The following FZD9 variants were observed in gnomAD, a reference collection of about 807,000 sequenced individuals.
FZD9 encodes the protein frizzled class receptor 9, also known as frizzled-9.
FZD9 carries 29 observed loss-of-function variants against 29.9 expected under a neutral mutation model. That is an observed-to-expected ratio of 0.97 (90% CI 0.72 to 1.32). The LOEUF is 1.32. FZD9 is among the 40% of genes most tolerant of loss of function. The pLI, the probability that FZD9 is intolerant of heterozygous loss-of-function variation, is 0.00. For synonymous variants in FZD9, 384 were observed against 393.9 expected (o/e 0.97, Z 0.30); for missense variants, 822 against 857.8 (o/e 0.96, Z 0.52).
In FZD9 at chr7:73,434,704, G is replaced by T; in HGVS notation, c.697G>T (p.Val233Phe). The change falls in exon 1 of 1, where the codon GTC becomes TTC. Residue 233 changes from valine to phenylalanine, a missense_variant. By Grantham distance (50) the Val-to-Phe change is conservative. Coordinates refer to ENST00000344575, the MANE Select transcript of FZD9 (RefSeq NM_003508.3). ...WSRRDKDFAL[V>F]WMAVWSALCF... ...CCGGCGCGACAAGGACTTCGCGCTGGTCTGGATGGCCGTGTGGTCGGCGCT... is the reference window on the plus strand; with the variant it reads ...CCGGCGCGACAAGGACTTCGCGCTGTTCTGGATGGCCGTGTGGTCGGCGCT... 6.2e-7 allele frequency: 1 copy of T among 1,606,774 alleles called. No homozygotes were observed. The highest frequency in any genetic ancestry group is 8.5e-7 in the Non-Finnish European group (1 of 1,179,680).
At position 73,435,146 on chromosome 7, in the gene FZD9, C is replaced by T. The variant is rs1554563531; in HGVS notation, c.1139C>T (p.Ala380Val). 1 of 1,612,238 alleles carries T rather than the reference C, an allele frequency of 6.2e-7. No homozygotes were observed. The highest frequency in any genetic ancestry group is 1.1e-5 in the South Asian group (1 of 91,072). The change falls in exon 1 of 1, where the codon GCG becomes GTG. Residue 380 changes from alanine to valine, a missense_variant. Physicochemically the swap from Ala to Val is moderately conservative, Grantham distance 64 (BLOSUM62 0). Coordinates refer to ENST00000344575, the MANE Select transcript of FZD9 (RefSeq NM_003508.3). ...GTCATCCTGACCCTGCGCAAGGTGG[C>T]GGGTGATGAGCTGACTGGGCTTTGC... ...TIVILTLRKV[A>V]GDELTGLCYV...
chr7:73,434,096 CG>C lies in FZD9; in HGVS notation c.91del (p.Glu31SerfsTer24). On this transcript the variant is annotated frameshift_variant, in exon 1 of 1. Coordinates refer to ENST00000344575, the MANE Select transcript of FZD9 (RefSeq NM_003508.3). LOFTEE classifies it low-confidence loss of function (END_TRUNC). ...GCACTGGAGATCGGCCGCTTCGACC[CG>C]GAGCGCGGGCGCGGGGCTGCGCCGT... is the stretch of plus-strand genomic sequence containing the variant. Reference protein sequence around the residue: ...GAALEIGRFDPERGRGAAPCQ... With the variant: ...GAALEIGRFDXERGRGAAPCQ... 1 of 1,398,586 alleles carries C rather than the reference CG, an allele frequency of 7.2e-7. No individual in the cohort carries two copies. Among genetic ancestry groups the C allele is most frequent in the East Asian group, 2.9e-5 (1 of 34,558 alleles). The allele number at this position is 1,398,586 out of a possible 1,614,324, so 86.6% of individuals were successfully genotyped here. A position where few individuals can be genotyped will look rare whatever the true frequency, so the allele number is the denominator to read the frequency against.
rs1265714611 is a variant in FZD9, at chr7:73,434,415, G to A, written c.408G>A (p.Ser136=). The A allele has an allele frequency of 3.8e-6, 6 of 1,565,580 alleles. No homozygotes were observed. The highest frequency in any genetic ancestry group is 5.2e-6 in the Non-Finnish European group (6 of 1,164,320). The change falls in exon 1 of 1, where the codon TCG becomes TCA. Residue 136 remains serine, a synonymous_variant. Transcript: ENST00000344575. ...AGTTCAACTTCGGCTGGCCGGACTC[G>A]CTCGACTGCGCCCGGCTGCCCACGC... ...MEQFNFGWPD[S]LDCARLPTRN...
chr7:73,435,818 C>A lies in FZD9; in HGVS notation c.*35C>A. ...CCTGGCGCGGGGTGGCTGCTGCCCC[C>A]TCCTTGCCCTCCACGCCCTGCCCCC... is the stretch of plus-strand genomic sequence containing the variant. On this transcript the variant is annotated 3_prime_UTR_variant, in exon 1 of 1. Coordinates refer to ENST00000344575, the MANE Select transcript of FZD9 (RefSeq NM_003508.3). The A allele has an allele frequency of 2.0e-6, 3 of 1,537,332 alleles. No individual in the cohort carries two copies. Among genetic ancestry groups the A allele is most frequent in the Non-Finnish European group, 2.6e-6 (3 of 1,140,548 alleles).
In FZD9 at chr7:73,435,457, C is replaced by G; in HGVS notation, c.1450C>G (p.Pro484Ala). The G allele has an allele frequency of 6.2e-7, 1 of 1,613,346 alleles. No homozygotes were observed. Among genetic ancestry groups the G allele is most frequent in the Non-Finnish European group, 8.5e-7 (1 of 1,179,892 alleles). ...CTGGCGCCTTCGGGCCACAGAGCAG[C>G]CATGCGCAGCGGCCGCGGGGCCCGG... ...DFWRLRATEQPCAAAAGPGGR... is the reference protein window; with the variant it reads ...DFWRLRATEQACAAAAGPGGR... The change falls in exon 1 of 1, where the codon CCA becomes GCA. Residue 484 changes from proline (P) to alanine (A), a missense_variant. Transcript: ENST00000344575.
Position 73,433,879 on chromosome 7 carries a change from C to T in FZD9, c.-129C>T. 1 of 722,654 alleles carries T rather than the reference C, an allele frequency of 1.4e-6. No homozygotes were observed. The highest frequency in any genetic ancestry group is 1.7e-6 in the Non-Finnish European group (1 of 579,772). The allele number at this position is 722,654 out of a possible 1,614,324, so 44.8% of individuals were successfully genotyped here. A position where few individuals can be genotyped will look rare whatever the true frequency, so the allele number is the denominator to read the frequency against. ...GGCTGCCCGCTCGCTGCCCAGGGCG[C>T]CCGGACACACGTGGGCGGCTCAGCG... On this transcript the variant is annotated 5_prime_UTR_variant, in exon 1 of 1. Transcript: ENST00000344575.
Position 73,435,657 on chromosome 7 carries a change from C to T in FZD9, c.1650C>T (p.Ala550=), listed in dbSNP as rs782237302. The T allele has an allele frequency of 6.2e-7, 1 of 1,613,140 alleles. No homozygotes were observed. The highest frequency in any genetic ancestry group is 2.2e-5 in the East Asian group (1 of 44,874). The stretch of plus-strand genomic sequence containing the variant: ...ACCGCAAGATAGCAGCTGGCCGGGC[C>T]CGGGCCAAGGCCTGCCGCGCCCCCG... ...LCYRKIAAGR[A]RAKACRAPGS... is the part of the protein sequence containing the mutation. Residue 550 remains alanine, a synonymous_variant, in exon 1 of 1, where the codon GCC becomes GCT. Transcript: ENST00000344575.
rs782388267 is a variant in FZD9, at chr7:73,435,084, C to T, written c.1077C>T (p.His359=). 20 of 1,612,546 alleles carry T rather than the reference C, an allele frequency of 1.2e-5. 2 individuals are homozygous for T. Among genetic ancestry groups the T allele is most frequent in the South Asian group, 8.8e-5 (8 of 91,016 alleles). Residue 359 remains histidine (H), a synonymous_variant, in exon 1 of 1, where the codon CAC becomes CAT. Coordinates refer to ENST00000344575, the MANE Select transcript of FZD9 (RefSeq NM_003508.3). The part of the protein sequence containing the change: ...EAIEAHGSYF[H]MAAWGLPALK... The stretch of plus-strand genomic sequence containing the variant: ...TCGAGGCCCACGGCAGCTATTTCCA[C>T]ATGGCTGCCTGGGGCCTGCCCGCGC...
Position 73,435,283 on chromosome 7 carries a change from C to T in FZD9, c.1276C>T (p.His426Tyr), listed in dbSNP as rs1554563562. ...FLLTGFVALF[H>Y]IRKIMKTGGT... ...CCTGACCGGCTTCGTGGCCCTCTTCCACATCCGCAAGATCATGAAGACGGG... is the reference window on the plus strand; with the variant it reads ...CCTGACCGGCTTCGTGGCCCTCTTCTACATCCGCAAGATCATGAAGACGGG... The change falls in exon 1 of 1, where the codon CAC becomes TAC. Residue 426 changes from histidine to tyrosine, a missense_variant. His to Tyr is a moderately conservative substitution (Grantham distance 83). Transcript: ENST00000344575. 1.9e-6 allele frequency: 3 copies of T among 1,613,904 alleles called. No individual in the cohort carries two copies. Among genetic ancestry groups the T allele is most frequent in the Admixed American group, 3.3e-5 (2 of 60,022 alleles).
rs1787398281 is a variant in FZD9, at chr7:73,435,441, T to G, written c.1434T>G (p.Leu478=). The G allele has an allele frequency of 1.9e-6, 3 of 1,613,504 alleles. No homozygotes were observed. In the East Asian group the frequency reaches 6.7e-5, roughly 36 times the overall value. Residue 478 remains leucine (L), a synonymous_variant, in exon 1 of 1, where the codon CTT becomes CTG. Coordinates refer to ENST00000344575, the MANE Select transcript of FZD9 (RefSeq NM_003508.3). ...GCCTCAACATGGACTTCTGGCGCCT[T>G]CGGGCCACAGAGCAGCCATGCGCAG... ...YERLNMDFWR[L]RATEQPCAAA... is the part of the protein sequence containing the mutation.
chr7:73,435,292 A>G lies in FZD9; in HGVS notation c.1285A>G (p.Lys429Glu). Residue 429 changes from lysine to glutamate, a missense_variant, in exon 1 of 1, where the codon AAG (lysine) becomes GAG (glutamate). Physicochemically the swap from Lys to Glu is moderately conservative, Grantham distance 56 (BLOSUM62 1). Transcript: ENST00000344575. Reference protein sequence around the residue: ...TGFVALFHIRKIMKTGGTNTE... With the variant: ...TGFVALFHIREIMKTGGTNTE... ...CTTCGTGGCCCTCTTCCACATCCGC[A>G]AGATCATGAAGACGGGCGGCACCAA... 2 of 1,613,838 alleles carry G rather than the reference A, an allele frequency of 1.2e-6. No homozygotes were observed. The highest frequency in any genetic ancestry group is 1.7e-6 in the Non-Finnish European group (2 of 1,179,922).
rs1787358707 is a variant in FZD9 at position 73,434,381 on chromosome 7, T to C, written c.374T>C (p.Ile125Thr). Residue 125 changes from isoleucine to threonine, a missense_variant, in exon 1 of 1, where the codon ATC (isoleucine) becomes ACC (threonine). Transcript: ENST00000344575. ...CEQARLRCAP[I>T]MEQFNFGWPD... ...CAGGCGCGCCTGCGCTGCGCGCCCA[T>C]CATGGAGCAGTTCAACTTCGGCTGG... 1 of 1,582,804 alleles carries C rather than the reference T, an allele frequency of 6.3e-7. No individual in the cohort carries two copies. Among genetic ancestry groups the C allele is most frequent in the African/African-American group, 1.4e-5 (1 of 73,288 alleles).
At position 73,434,166 on chromosome 7, in the gene FZD9, C is replaced by A. The variant is rs782410069; in HGVS notation, c.159C>A (p.Asn53Lys). 6.4e-7 allele frequency: 1 copy of A among 1,570,880 alleles called. No individual in the cohort carries two copies. The stretch of plus-strand genomic sequence containing the variant: ...CCATGTGCCGCGGCATCGGCTACAA[C>A]CTGACCCGCATGCCCAACCTGCTGG... ...EIPMCRGIGYNLTRMPNLLGH... is the reference protein window; with the variant it reads ...EIPMCRGIGYKLTRMPNLLGH... Residue 53 changes from asparagine (N) to lysine (K), a missense_variant, in exon 1 of 1, where the codon AAC (asparagine) becomes AAA (lysine). By Grantham distance (94) the Asn-to-Lys change is moderately conservative (BLOSUM62 0). Coordinates refer to ENST00000344575, the MANE Select transcript of FZD9 (RefSeq NM_003508.3).
chr7:73,434,514 C>T lies in FZD9; in HGVS notation c.507C>T (p.Gly169=). Residue 169 remains glycine, a synonymous_variant, in exon 1 of 1, where the codon GGC becomes GGT. Coordinates refer to ENST00000344575, the MANE Select transcript of FZD9 (RefSeq NM_003508.3). ...CCGGCCCCGCGGAGCCCCACAAGGG[C>T]CTGGGCATGCTGCCCGTGGCGCCGC... is the stretch of plus-strand genomic sequence containing the variant. ...ATAGPAEPHK[G]LGMLPVAPRP... 6.9e-7 allele frequency: 1 copy of T among 1,451,724 alleles called. No homozygotes were observed. Among genetic ancestry groups the T allele is most frequent in the South Asian group, 1.4e-5 (1 of 71,550 alleles). The allele number at this position is 1,451,724 out of a possible 1,614,324, so 89.9% of individuals were successfully genotyped here. A position where few individuals can be genotyped will look rare whatever the true frequency, so the allele number is the denominator to read the frequency against.
Position 73,434,027 on chromosome 7 carries a change from G to A in FZD9, c.20G>A (p.Arg7Gln), listed in dbSNP as rs1199239605. MAVAPL[R>Q]GALLLWQLLA... Reference sequence around the variant, plus strand: ...CCCGGGATGGCCGTGGCGCCTCTGCGGGGGGCGCTGCTGCTGTGGCAGCTG... The same window carrying A: ...CCCGGGATGGCCGTGGCGCCTCTGCAGGGGGCGCTGCTGCTGTGGCAGCTG... Residue 7 changes from arginine to glutamine, a missense_variant, in exon 1 of 1, where the codon CGG (arginine) becomes CAG (glutamine). Physicochemically the swap from Arg to Gln is conservative, Grantham distance 43. Transcript: ENST00000344575. 13 of 1,234,934 alleles carry A rather than the reference G, an allele frequency of 1.1e-5. No homozygotes were observed. Among genetic ancestry groups the A allele is most frequent in the African/African-American group, 1.6e-5 (1 of 63,846 alleles). The allele number at this position is 1,234,934 out of a possible 1,614,324, so 76.5% of individuals were successfully genotyped here.
chr7:73,434,130 G>T lies in FZD9; in HGVS notation c.123G>T (p.Ala41=), dbSNP rs138518770. ...ERGRGAAPCQ[A]VEIPMCRGIG... is the part of the protein sequence containing the mutation. Reference sequence around the variant, plus strand: ...GGCGCGGGGCTGCGCCGTGCCAGGCGGTGGAGATCCCCATGTGCCGCGGCA... The same window carrying T: ...GGCGCGGGGCTGCGCCGTGCCAGGCTGTGGAGATCCCCATGTGCCGCGGCA... Residue 41 remains alanine, a synonymous_variant, in exon 1 of 1, where the codon GCG becomes GCT. Transcript: ENST00000344575. The T allele has an allele frequency of 2.7e-4, 414 of 1,532,274 alleles. 3 individuals carry two copies. In the African/African-American group the frequency reaches 5.4e-3, roughly 20 times the overall value. The allele number at this position is 1,532,274 out of a possible 1,614,324, so 94.9% of individuals were successfully genotyped here.
chr7:73,433,779 G>C lies in FZD9; in HGVS notation c.-229G>C, dbSNP rs575658095. On this transcript the variant is annotated 5_prime_UTR_variant, in exon 1 of 1. Coordinates refer to ENST00000344575, the MANE Select transcript of FZD9 (RefSeq NM_003508.3). Reference sequence around the variant, plus strand: ...GCCTCGGCCCCGGGAGGTTGCGCCGGCTCTGGCTCAGCGGCGGCTCCGGTG... The same window carrying C: ...GCCTCGGCCCCGGGAGGTTGCGCCGCCTCTGGCTCAGCGGCGGCTCCGGTG... 29 of 185,334 alleles carry C rather than the reference G, an allele frequency of 1.6e-4. No homozygotes were observed. Among genetic ancestry groups the C allele is most frequent in the South Asian group, 8.2e-4 (5 of 6,132 alleles). 11.5% of individuals were successfully genotyped at this position (185,334 alleles called of 1,614,324 possible). A position where few individuals can be genotyped will look rare whatever the true frequency, so the allele number is the denominator to read the frequency against.
Position 73,434,369 on chromosome 7 carries a change from G to A in FZD9, c.362G>A (p.Arg121His). The stretch of plus-strand genomic sequence containing the variant: ...CCCATGTGCGAGCAGGCGCGCCTGC[G>A]CTGCGCGCCCATCATGGAGCAGTTC... ...CRPMCEQARL[R>H]CAPIMEQFNF... The change falls in exon 1 of 1, where the codon CGC becomes CAC. Residue 121 changes from arginine (R) to histidine (H), a missense_variant. Coordinates refer to ENST00000344575, the MANE Select transcript of FZD9 (RefSeq NM_003508.3). 6.3e-7 allele frequency: 1 copy of A among 1,583,438 alleles called. No homozygotes were observed.
chr7:73,435,467 C>G lies in FZD9; in HGVS notation c.1460C>G (p.Ala487Gly). 1 of 1,612,892 alleles carries G rather than the reference C, an allele frequency of 6.2e-7. No individual in the cohort carries two copies. The highest frequency in any genetic ancestry group is 8.5e-7 in the Non-Finnish European group (1 of 1,179,722). The part of the protein sequence containing the change: ...RLRATEQPCA[A>G]AAGPGGRRDC... ...CGGGCCACAGAGCAGCCATGCGCAG[C>G]GGCCGCGGGGCCCGGAGGCCGGAGG... Residue 487 changes from alanine (A) to glycine (G), a missense_variant, in exon 1 of 1, where the codon GCG becomes GGG. Coordinates refer to ENST00000344575, the MANE Select transcript of FZD9 (RefSeq NM_003508.3).
Sources: allele counts gnomAD v4.1 joint callset, GRCh38; gene constraint gnomAD v4.1.1; transcripts MANE v1.5; gene names NCBI Gene and HGNC (gene_info 2026-07-23, HGNC 2026-07-21).